Variants in NFIB observed in about 807,000 individuals in gnomAD.
NFIB encodes nuclear factor 1 B-type.
A neutral mutation model predicts 61.5 loss-of-function variants in NFIB; 11 were observed. The ratio of observed to expected loss-of-function variants is 0.18; its 90% CI spans 0.11 to 0.30. The LOEUF (loss-of-function observed/expected upper bound fraction) is 0.30. NFIB is among the 10% of genes least tolerant of loss of function. NFIB has a pLI of 1.00. For missense variants in NFIB, 471 were observed against 608.9 expected, an observed-to-expected ratio of 0.77 and a Z score of 2.38; for synonymous variants, 260 against 216.5, an observed-to-expected ratio of 1.20 and a Z score of -1.76.
chr9:14,094,472 A>T (rs1367888035), intron 10 of NFIB: 1 of 152,122 alleles, frequency 6.6e-6, no homozygotes, highest in Non-Finnish European at 1.5e-5. Context: ...CCTGGAAGTG[A>T]AATACACAAA....
At chr9:14,382,994 A>T (rs2061506147) in intron 1 of NFIB, among the ~76,000 whole-genome samples, 1 of 152,216 alleles carries the variant, frequency 6.6e-6, no homozygotes, top group Non-Finnish European at 1.5e-5. Flanking sequence ...TTTGGAGAGA[A>T]GTAGCTAACT....
intron 10 of NFIB, 144 bp from the exon 11 acceptor site, chr9:14,088,470 TA>T (rs1438318673): frequency 1.2e-6 from 1 of 818,410 alleles, no homozygotes; most frequent in Non-Finnish European, 1.7e-6. Flanking sequence ...TAATATGAGA[TA>T]AATGTGCCAA....
At chr9:14,364,800 G>C (rs1251868674) in intron 1 of NFIB, among the ~76,000 whole-genome samples, 1 of 152,154 alleles carries the variant, frequency 6.6e-6, no homozygotes, top group Non-Finnish European at 1.5e-5. Context: ...AGAATAAAAA[G>C]AAATTTTAGG....
chr9:14,249,933 T>G (rs1020377128), intron 2 of NFIB, among the ~76,000 whole-genome samples: 1 of 152,152 alleles, frequency 6.6e-6, no homozygotes, highest in African/African-American at 2.4e-5. Context: ...GCCAAAGTCT[T>G]GTGGATACCA....
In NFIB at chr9:14,125,747, A is replaced by T; in HGVS notation, c.945T>A (p.Thr315=). 1 of 1,614,144 alleles carries T rather than the reference A, an allele frequency of 6.2e-7. No homozygotes were observed. Among genetic ancestry groups the T allele is most frequent in the African/African-American group, 1.3e-5 (1 of 75,056 alleles). The change falls in exon 7 of 11, where the codon ACT becomes ACA. Residue 315 remains threonine (T), a synonymous_variant. Coordinates refer to ENST00000380953, the MANE Select transcript of NFIB (RefSeq NM_001190737.2). ...ERDQDMSSPT[T]MKKPEKPLFS... ...ACAATGGCTTTTCAGGCTTCTTCAT[A>T]GTAGTCGGAGAAGACATATCTGCGA...
At chr9:14,373,238 G>T (rs891456504) in intron 1 of NFIB, among the ~76,000 whole-genome samples, 1 of 152,204 alleles carries the variant, frequency 6.6e-6, no homozygotes, top group Non-Finnish European at 1.5e-5. Flanking sequence ...ACAATTTATT[G>T]TTGGAACATG....
At chr9:14,517,592 T>C in the NFIB span, among the ~76,000 whole-genome samples, 5 of 142,388 alleles carry the variant, frequency 3.5e-5, no homozygotes, top group South Asian at 2.4e-4. Context: ...TGTCCTGCAG[T>C]GGATGTGTGG....
At chr9:14,400,434 G>A (rs546200087), upstream of NFIB, among the ~76,000 whole-genome samples, 8 of 151,790 alleles carry the variant, frequency 5.3e-5, no homozygotes, top group Middle Eastern at 3.4e-3. Context: ...GTTAAATTTT[G>A]TTTTGTTTTG....
chr9:14,459,070 G>C, the NFIB span, among the ~76,000 whole-genome samples: 7 of 152,020 alleles, frequency 4.6e-5, no homozygotes, highest in African/African-American at 1.7e-4. Context: ...TCAATCCTAA[G>C]CCAAAAGAAC....
At chr9:14,142,676 T>C (rs2041876625) in intron 6 of NFIB, among the ~76,000 whole-genome samples, 1 of 152,140 alleles carries the variant, frequency 6.6e-6, no homozygotes, top group South Asian at 2.1e-4. Context: ...AAGATCTTAA[T>C]GGAATTTTTT....
At chr9:14,380,275 T>C (rs909171075) in intron 1 of NFIB, among the ~76,000 whole-genome samples, 3 of 152,164 alleles carry the variant, frequency 2.0e-5, no homozygotes, top group African/African-American at 7.2e-5. Context: ...GGAAAGCCAG[T>C]TCAACCACAA....
At chr9:14,441,358 C>T in the NFIB span, among the ~76,000 whole-genome samples, 11 of 152,034 alleles carry the variant, frequency 7.2e-5, no homozygotes, top group African/African-American at 2.4e-4. Flanking sequence ...AGTGGGTCTG[C>T]GCCGATTTTA....
At chr9:14,200,517 A>G (rs1397271781) in intron 2 of NFIB, among the ~76,000 whole-genome samples, 2 of 152,142 alleles carry the variant, frequency 1.3e-5, no homozygotes, top group Non-Finnish European at 1.5e-5. Context: ...CAGCTCCAAA[A>G]TTACTATTTT....
rs2033038603 is a variant in NFIB, at chr9:14,087,516, A to C, written c.*793T>G. 4.4e-6 allele frequency: 1 copy of C among 226,210 alleles called. No homozygotes were observed. The highest frequency in any genetic ancestry group is 8.8e-6 in the Non-Finnish European group (1 of 113,498). The allele number at this position is 226,210 out of a possible 1,614,324, so 14.0% of individuals were successfully genotyped here. A position where few individuals can be genotyped will look rare whatever the true frequency, so the allele number is the denominator to read the frequency against. On this transcript the variant is annotated 3_prime_UTR_variant, in exon 11 of 11. Coordinates refer to ENST00000380953, the MANE Select transcript of NFIB (RefSeq NM_001190737.2). Reference sequence around the variant, plus strand: ...CATGCAGAGAGAACACTTCACCTACATAGAGGCATTTCTTCCATAGAGCCT... The same window carrying C: ...CATGCAGAGAGAACACTTCACCTACCTAGAGGCATTTCTTCCATAGAGCCT...
chr9:14,457,661 A>G, the NFIB span, among the ~76,000 whole-genome samples: 1 of 152,068 alleles, frequency 6.6e-6, no homozygotes, highest in African/African-American at 2.4e-5. Flanking sequence ...TCAAATAGAC[A>G]CAATAAAAAA....
the NFIB span, among the ~76,000 whole-genome samples, chr9:14,485,653 T>A: frequency 2.0e-5 from 3 of 152,162 alleles, no homozygotes; most frequent in Non-Finnish European, 4.4e-5. Flanking sequence ...TGTAGGTCGA[T>A]CATCTGAGGT....
intron 2 of NFIB, among the ~76,000 whole-genome samples, chr9:14,248,474 T>G (rs2055195372): frequency 6.6e-6 from 1 of 152,136 alleles, no homozygotes. Flanking sequence ...TCTCACTATG[T>G]TGTCCAGGCT....
chr9:14,321,948 C>T, intron 1 of NFIB: 1 of 1,231,502 alleles, frequency 8.1e-7, no homozygotes, highest in Non-Finnish European at 1.0e-6. Flanking sequence ...TACCATCGCA[C>T]TGTATTGCAT....
chr9:14,362,764 G>A (rs1270300373), intron 1 of NFIB: 1 of 152,096 alleles, frequency 6.6e-6, no homozygotes, highest in East Asian at 1.9e-4. Context: ...GCATGGTTCT[G>A]TGCACCTGCA....
Sources: allele counts gnomAD v4.1 joint callset (sites outside exome capture counted in the v4.1 genomes callset), GRCh38; gene constraint gnomAD v4.1.1; transcripts MANE v1.5; gene names NCBI Gene and HGNC (gene_info 2026-07-23, HGNC 2026-07-21).